Variants in PDE1C observed in about 807,000 individuals in gnomAD.
PDE1C encodes the protein dual specificity calcium/calmodulin-dependent 3',5'-cyclic nucleotide phosphodiesterase 1C.
A neutral mutation model predicts 93.1 loss-of-function variants in PDE1C; 62 were observed. That is an observed-to-expected ratio of 0.67 (90% confidence interval 0.54 to 0.82). PDE1C has a LOEUF of 0.82. Ranked by LOEUF, PDE1C falls within the 40% of genes least tolerant of loss-of-function variation. The pLI, the probability that PDE1C is intolerant of heterozygous loss-of-function variation, is 0.00. For missense variants in PDE1C, 742 were observed against 884.6 expected (o/e 0.84, Z 2.04); for synonymous variants, 325 against 310.1 (o/e 1.05, Z -0.50).
At chr7:32,374,936 T>C (rs1784409921) in intron 1 of PDE1C, among the ~76,000 whole-genome samples, 1 of 152,118 alleles carries the variant, frequency 6.6e-6, no homozygotes, top group Admixed American at 6.5e-5. Context: ...ACAACTCTGA[T>C]GGTGGACAAG....
intron 1 of PDE1C, among the ~76,000 whole-genome samples, chr7:32,327,593 C>T (rs1448004005): frequency 6.6e-6 from 1 of 152,066 alleles, no homozygotes; most frequent in East Asian, 1.9e-4. Flanking sequence ...ATGGTGAAAC[C>T]TTGTCTCTAC....
At chr7:32,065,734 A>T (rs1434701696) in intron 1 of PDE1C, among the ~76,000 whole-genome samples, 1 of 152,222 alleles carries the variant, frequency 6.6e-6, no homozygotes, top group African/African-American at 2.4e-5. Flanking sequence ...TTAAATAAGA[A>T]ATTTAAAACC....
chr7:31,772,512 C>CT (rs879788939), intron 17 of PDE1C, among the ~76,000 whole-genome samples: 1,509 of 111,546 alleles, frequency 0.014, 18 homozygotes, highest in African/African-American at 0.04. Flanking sequence ...CTCTCTCTCT[C>CT]TTTTTTTTTT....
chr7:31,959,145 A>G (rs1336484987), intron 2 of PDE1C, among the ~76,000 whole-genome samples: 2 of 152,216 alleles, frequency 1.3e-5, no homozygotes, highest in African/African-American at 4.8e-5. Flanking sequence ...TGTTTACAAA[A>G]AAATATAATT....
chr7:32,201,389 A>G (rs1160637114), intron 2 of PDE1C, among the ~76,000 whole-genome samples: 1 of 152,218 alleles, frequency 6.6e-6, no homozygotes, highest in Admixed American at 6.5e-5. Flanking sequence ...ACATACAAAA[A>G]AAATTCTATT....
intron 3 of PDE1C, among the ~76,000 whole-genome samples, chr7:32,157,044 CTGAGGACT>C (rs1456596613): frequency 6.6e-6 from 1 of 152,132 alleles, no homozygotes; most frequent in Non-Finnish European, 1.5e-5. Flanking sequence ...AATGGATGAC[CTGAGGACT>C]CTAGAGGCAA....
At chr7:31,949,688 G>T (rs750828548) in intron 2 of PDE1C, among the ~76,000 whole-genome samples, 5 of 152,100 alleles carry the variant, frequency 3.3e-5, no homozygotes, top group Non-Finnish European at 7.4e-5. Flanking sequence ...CTGTCCTCTG[G>T]ATTGAGAGCT....
At chr7:32,386,781 C>T (rs955544060) in intron 1 of PDE1C, among the ~76,000 whole-genome samples, 1 of 151,858 alleles carries the variant, frequency 6.6e-6, no homozygotes, top group Non-Finnish European at 1.5e-5. Context: ...CAACCAGGCA[C>T]ACACAGGCTT....
chr7:32,277,205 T>C (rs1585066436), intron 1 of PDE1C, among the ~76,000 whole-genome samples: 1 of 152,250 alleles, frequency 6.6e-6, no homozygotes, highest in South Asian at 2.1e-4. Flanking sequence ...GCCATGATCA[T>C]GCCACTGCAC....
intron 1 of PDE1C, among the ~76,000 whole-genome samples, chr7:32,409,822 TA>T (rs1403168517): frequency 2.0e-5 from 3 of 151,660 alleles, no homozygotes; most frequent in African/African-American, 7.3e-5. Context: ...TTATTTTCCT[TA>T]TATGTATACA....
At chr7:32,085,828 A>T (rs1181532235) in intron 3 of PDE1C, among the ~76,000 whole-genome samples, 1 of 150,404 alleles carries the variant, frequency 6.6e-6, no homozygotes, top group Admixed American at 6.6e-5. Flanking sequence ...AACTCTCAAT[A>T]AATTAGGTAT....
chr7:32,127,622 A>G (rs1431317681), intron 3 of PDE1C, among the ~76,000 whole-genome samples: 1 of 152,086 alleles, frequency 6.6e-6, no homozygotes, highest in East Asian at 1.9e-4. Context: ...TTTCTCATAT[A>G]TCAACAATAA....
At chr7:32,055,823 C>T (rs991161239) in intron 1 of PDE1C, among the ~76,000 whole-genome samples, 4 of 152,134 alleles carry the variant, frequency 2.6e-5, no homozygotes, top group Non-Finnish European at 4.4e-5. Flanking sequence ...TGGGTTCAAG[C>T]GATTCTCCTG....
chr7:31,840,499 T>A (rs1791719009), intron 9 of PDE1C, among the ~76,000 whole-genome samples: 1 of 152,328 alleles, frequency 6.6e-6, no homozygotes, highest in African/African-American at 2.4e-5. Flanking sequence ...AAATGCTTCA[T>A]GCTTTTTCTC....
At chr7:32,145,607 TG>T (rs1171567131) in intron 3 of PDE1C, among the ~76,000 whole-genome samples, 1 of 152,222 alleles carries the variant, frequency 6.6e-6, no homozygotes, top group Admixed American at 6.5e-5. Flanking sequence ...CATGATTCTG[TG>T]GGCATCACTA....
At chr7:31,845,986 C>T (rs1422172057) in intron 9 of PDE1C, among the ~76,000 whole-genome samples, 1 of 151,972 alleles carries the variant, frequency 6.6e-6, no homozygotes, top group Non-Finnish European at 1.5e-5. Flanking sequence ...GAGTGAGACT[C>T]TGTCTCAAAA....
At chr7:31,832,005 C>T (rs1790475857) in intron 11 of PDE1C, among the ~76,000 whole-genome samples, 1 of 152,014 alleles carries the variant, frequency 6.6e-6, no homozygotes, top group African/African-American at 2.4e-5. Flanking sequence ...ACAGGAAAGA[C>T]ATTGAAAAGG....
chr7:32,218,470 T>C (rs963497783), intron 1 of PDE1C, among the ~76,000 whole-genome samples: 2 of 152,174 alleles, frequency 1.3e-5, no homozygotes, highest in African/African-American at 4.8e-5. Context: ...GCAGGATGGC[T>C]CCCTGGCTCG....
chr7:32,003,335 C>A (rs1000528434), intron 2 of PDE1C, among the ~76,000 whole-genome samples: 1 of 152,218 alleles, frequency 6.6e-6, no homozygotes, highest in Non-Finnish European at 1.5e-5. Context: ...GTAACTACTA[C>A]TTCAATATCT....
Sources: gnomAD v4.1 joint callset for allele counts (sites outside exome capture counted in the v4.1 genomes callset) on GRCh38, gnomAD v4.1.1 for gene constraint, MANE v1.5 for transcripts, NCBI Gene and HGNC (gene_info 2026-07-23, HGNC 2026-07-21) for gene names.